DDAH1: variants seen among roughly 807,000 people sequenced by gnomAD.
DDAH1 encodes the protein N(G),N(G)-dimethylarginine dimethylaminohydrolase 1.
In DDAH1, 19 loss-of-function variants were observed where a neutral mutation model predicts 28.8. That is an observed-to-expected ratio of 0.66 (90% CI 0.46 to 0.97). DDAH1 has a LOEUF of 0.97. Ranked by LOEUF, DDAH1 falls within the 50% of genes least tolerant of loss-of-function variation. The probability of loss-of-function intolerance (pLI) is 0.00; values close to 1 mark genes in which losing one functional copy is unlikely to be tolerated. For synonymous variants in DDAH1, 153 were observed against 154.4 expected, an observed-to-expected ratio of 0.99 and a Z score of 0.07; for missense variants, 326 against 375.9, an observed-to-expected ratio of 0.87 and a Z score of 1.10.
At chr1:85,394,571 CAG>C (rs1184257769) in intron 1 of DDAH1, among the ~76,000 whole-genome samples, 1 of 152,168 alleles carries the variant, frequency 6.6e-6, no homozygotes, top group African/African-American at 2.4e-5. Flanking sequence ...TTCAATAAAA[CAG>C]TGTGTCTTCT....
At chr1:85,335,434 C>G (rs2100809840) in intron 4 of DDAH1, among the ~76,000 whole-genome samples, 1 of 151,924 alleles carries the variant, frequency 6.6e-6, no homozygotes, top group Non-Finnish European at 1.5e-5. Context: ...ACTCACTTCA[C>G]CTATAAAAAG....
At chr1:85,344,534 C>T (rs1213958573) in intron 4 of DDAH1, among the ~76,000 whole-genome samples, 1 of 152,002 alleles carries the variant, frequency 6.6e-6, no homozygotes, top group African/African-American at 2.4e-5. Flanking sequence ...AAGGTACCAC[C>T]TCCCCTGACC....
intron 1 of DDAH1, among the ~76,000 whole-genome samples, chr1:85,511,142 C>T (rs1657215455): frequency 6.6e-6 from 1 of 152,196 alleles, no homozygotes; most frequent in South Asian, 2.1e-4. Context: ...GAAATCACAA[C>T]AAACTGTCTC....
At chr1:85,431,392 T>G (rs1367630074) in intron 1 of DDAH1, among the ~76,000 whole-genome samples, 1 of 152,206 alleles carries the variant, frequency 6.6e-6, no homozygotes, top group Non-Finnish European at 1.5e-5. Context: ...GCTAGGACAG[T>G]TGTGCAGGGC....
rs115472234 is a variant in DDAH1, at chr1:85,455,240, T to G, written c.303+9503A>C. Among the ~76,000 whole-genome samples, 712 of 152,322 alleles carry G rather than the reference T, an allele frequency of 4.7e-3. 6 individuals are homozygous for G. The highest frequency in any genetic ancestry group is 0.016 in the African/African-American group (661 of 41,566). On this transcript the variant is annotated intron_variant, in intron 1 of 5. Transcript: ENST00000284031. ...CTTTCTTCCTGAAATGATGGTTCCC[T>G]TATGACTGAAAAAAATAATTAAAAG...
At chr1:85,410,167 G>A (rs1487878510) in intron 1 of DDAH1, among the ~76,000 whole-genome samples, 1 of 152,108 alleles carries the variant, frequency 6.6e-6, no homozygotes, top group Non-Finnish European at 1.5e-5. Flanking sequence ...TGTAGTCCCA[G>A]CTACACGGGA....
chr1:85,341,657 A>G (rs957461939), intron 4 of DDAH1, among the ~76,000 whole-genome samples: 1 of 152,150 alleles, frequency 6.6e-6, no homozygotes, highest in Non-Finnish European at 1.5e-5. Context: ...TACTAAAAAT[A>G]CAAAAAATCA....
At chr1:85,436,538 C>A (rs1653952848) in intron 1 of DDAH1, among the ~76,000 whole-genome samples, 1 of 152,194 alleles carries the variant, frequency 6.6e-6, no homozygotes, top group African/African-American at 2.4e-5. Flanking sequence ...CTATAGCAAT[C>A]TGGGACACTA....
chr1:85,386,498 C>T (rs1382745894), intron 1 of DDAH1, among the ~76,000 whole-genome samples: 1 of 152,214 alleles, frequency 6.6e-6, no homozygotes, highest in Non-Finnish European at 1.5e-5. Context: ...CACACCGGTG[C>T]AAGGGGTGGG....
chr1:85,321,357 G>T lies in DDAH1; in HGVS notation c.*95C>A. 2.5e-6 allele frequency: 2 copies of T among 797,632 alleles called. No individual in the cohort carries two copies. Among genetic ancestry groups the T allele is most frequent in the Non-Finnish European group, 2.2e-6 (1 of 461,672 alleles). The allele number at this position is 797,632 out of a possible 1,614,324, so 49.4% of individuals were successfully genotyped here. Reference sequence around the variant, plus strand: ...GTAAACAAGAGTTAGTAGCACAGTGGCACAGTAGATTGTCAAGGAAAACAA... The same window carrying T: ...GTAAACAAGAGTTAGTAGCACAGTGTCACAGTAGATTGTCAAGGAAAACAA... On this transcript the variant is annotated 3_prime_UTR_variant, in exon 6 of 6. Transcript: ENST00000284031.
intron 1 of DDAH1, among the ~76,000 whole-genome samples, chr1:85,543,729 T>C (rs1304967153): frequency 1.3e-5 from 2 of 152,232 alleles, no homozygotes; most frequent in Non-Finnish European, 2.9e-5. Context: ...GTTTTATCCA[T>C]ATACATCTAT....
At chr1:85,573,557 A>G (rs185208084) in intron 1 of DDAH1, among the ~76,000 whole-genome samples, 1 of 152,332 alleles carries the variant, frequency 6.6e-6, no homozygotes, top group African/African-American at 2.4e-5. Context: ...GGAGTTAGGA[A>G]TGCTGGCTTC....
intron 1 of DDAH1, among the ~76,000 whole-genome samples, chr1:85,545,503 A>G (rs1570663078): frequency 6.6e-6 from 1 of 152,184 alleles, no homozygotes; most frequent in Non-Finnish European, 1.5e-5. Context: ...TGGCAGGCCC[A>G]TCCTGGCAGC....
At chr1:85,358,283 T>C (rs934236345) in intron 2 of DDAH1, among the ~76,000 whole-genome samples, 2 of 152,206 alleles carry the variant, frequency 1.3e-5, no homozygotes, top group African/African-American at 4.8e-5. Flanking sequence ...AGAAGGTCAT[T>C]TTTTTTCCTT....
intron 1 of DDAH1, among the ~76,000 whole-genome samples, chr1:85,549,526 G>A (rs989546539): frequency 1.3e-5 from 2 of 152,218 alleles, no homozygotes; most frequent in African/African-American, 4.8e-5. Context: ...AGTGGACACG[G>A]AAGGCACCTG....
At chr1:85,552,836 C>A (rs1465989231) in intron 1 of DDAH1, among the ~76,000 whole-genome samples, 1 of 152,076 alleles carries the variant, frequency 6.6e-6, no homozygotes, top group African/African-American at 2.4e-5. Context: ...CCAAAGATGA[C>A]CTCAACAAAA....
chr1:85,358,608 C>T (rs921408823), intron 2 of DDAH1, 140 bp downstream of exon 2: 6 of 612,578 alleles, frequency 9.8e-6, no homozygotes, highest in African/African-American at 1.9e-5. Flanking sequence ...AAGATGGCGC[C>T]ACTGCACTCC....
chr1:85,356,812 C>A (rs1002892327), intron 2 of DDAH1, among the ~76,000 whole-genome samples: 1 of 152,140 alleles, frequency 6.6e-6, no homozygotes, highest in African/African-American at 2.4e-5. Context: ...GCTTGAGATG[C>A]TAGGGAAAGA....
rs1438345288 is a variant in DDAH1 at position 85,464,830 on chromosome 1, C to T, written c.216G>A (p.Pro72=). The change falls in exon 1 of 6, where the codon CCG becomes CCA. Residue 72 remains proline (P), a synonymous_variant. Coordinates refer to ENST00000284031, the MANE Select transcript of DDAH1 (RefSeq NM_012137.4). This position sits in a 1 kb window ranked among gnomAD's most constrained non-coding sequence, Gnocchi z 4.4. ...VVELPADESL[P]DCVFVEDVAV... The stretch of plus-strand genomic sequence containing the variant: ...CCACGTCCTCCACGAAGACGCAGTC[C>T]GGAAGGCTCTCGTCGGCCGGCAGCT... The T allele has an allele frequency of 2.5e-6, 4 of 1,589,072 alleles. No homozygotes were observed. The South Asian group carries it at 3.4e-5, about 13-fold the overall frequency.
Sources: allele counts gnomAD v4.1 joint callset (sites outside exome capture counted in the v4.1 genomes callset), GRCh38; gene constraint gnomAD v4.1.1; non-coding constraint Gnocchi (gnomAD v3.1); transcripts MANE v1.5; gene names NCBI Gene and HGNC (gene_info 2026-07-23, HGNC 2026-07-21).